Variants in FHIT observed in about 807,000 individuals in gnomAD.
FHIT encodes the protein bis(5'-adenosyl)-triphosphatase.
A neutral mutation model predicts 17.9 loss-of-function variants in FHIT; 19 were observed. The ratio of observed to expected loss-of-function variants is 1.06; its 90% CI spans 0.74 to 1.56. The LOEUF (loss-of-function observed/expected upper bound fraction) is 1.56. FHIT is among the 40% of genes most tolerant of loss of function. FHIT has a pLI of 0.00. For missense variants in FHIT, 248 were observed against 189.2 expected, an observed-to-expected ratio of 1.31 and a Z score of -1.82; for synonymous variants, 81 against 69.7, an observed-to-expected ratio of 1.16 and a Z score of -0.81.
intron 5 of FHIT, among the ~76,000 whole-genome samples, chr3:60,077,786 G>T (rs75382925): frequency 0.011 from 1,674 of 149,308 alleles, 13 homozygotes; most frequent in Non-Finnish European, 0.017. Context: ...CAAGTCTAGA[G>T]ATCTAATATA....
chr3:61,158,632 T>G, intron 2 of FHIT, among the ~76,000 whole-genome samples: 1 of 120,210 alleles, frequency 8.3e-6, no homozygotes, highest in South Asian at 3.0e-4. Flanking sequence ...CCTTTTCCAT[T>G]GCATTAATTA....
chr3:60,885,270 T>G (rs1705172526), intron 3 of FHIT, among the ~76,000 whole-genome samples: 1 of 152,180 alleles, frequency 6.6e-6, no homozygotes, highest in Non-Finnish European at 1.5e-5. Flanking sequence ...GATTTGATCA[T>G]TGCACGTTGT....
At chr3:60,954,333 G>A (rs947266938) in intron 3 of FHIT, among the ~76,000 whole-genome samples, 1 of 152,122 alleles carries the variant, frequency 6.6e-6, no homozygotes. Flanking sequence ...ATTCAATTGG[G>A]ATTTGAAGCT....
intron 5 of FHIT, among the ~76,000 whole-genome samples, chr3:60,082,919 T>G (rs1168620117): frequency 2.6e-5 from 4 of 152,134 alleles, no homozygotes; most frequent in Admixed American, 2.6e-4. Flanking sequence ...ATCCTGTAGG[T>G]TGTCTGTTTC....
At chr3:60,384,438 T>G (rs1700927016) in intron 5 of FHIT, among the ~76,000 whole-genome samples, 1 of 152,180 alleles carries the variant, frequency 6.6e-6, no homozygotes, top group African/African-American at 2.4e-5. Flanking sequence ...AGTTATACAC[T>G]TTAAAGGTTT....
chr3:60,556,724 G>A (rs539974596), intron 4 of FHIT, among the ~76,000 whole-genome samples: 1 of 152,332 alleles, frequency 6.6e-6, no homozygotes, highest in South Asian at 2.1e-4. Flanking sequence ...ACACCCTGAA[G>A]GTAATAGAGG....
intron 2 of FHIT, among the ~76,000 whole-genome samples, chr3:61,063,380 C>G (rs937237531): frequency 6.6e-6 from 1 of 151,958 alleles, no homozygotes. Context: ...GTAAGTGATA[C>G]TGCCGGGGCT....
chr3:60,049,075 C>T (rs1483411375), intron 5 of FHIT, among the ~76,000 whole-genome samples: 1 of 152,156 alleles, frequency 6.6e-6, no homozygotes, highest in African/African-American at 2.4e-5. Flanking sequence ...TGATCCCTTG[C>T]TACCTCACCC....
At chr3:60,060,490 G>T (rs143585756) in intron 5 of FHIT, among the ~76,000 whole-genome samples, 2 of 152,074 alleles carry the variant, frequency 1.3e-5, no homozygotes, top group Admixed American at 6.6e-5. Flanking sequence ...TTAATCCTTT[G>T]TATTAACTAC....
intron 2 of FHIT, among the ~76,000 whole-genome samples, chr3:61,165,229 G>C (rs758338080): frequency 4.6e-5 from 7 of 152,160 alleles, no homozygotes; most frequent in Non-Finnish European, 7.4e-5. Flanking sequence ...GCTTTCCACA[G>C]TGGCTGACCT....
Position 60,681,678 on chromosome 3 carries a change from T to C in FHIT, c.-18+140241A>G, listed in dbSNP as rs62251503. ...AAGTGAAACAGGCTTGTTGAGGATA[T>C]GGGAAAGTTTGAGTGGTCTGGATAG... On this transcript the variant is annotated intron_variant, in intron 4 of 9. Transcript: ENST00000492590. 5.4e-3 allele frequency among the ~76,000 whole-genome samples: 828 copies of C among 152,312 alleles called. 5 individuals carry two copies. Among genetic ancestry groups the C allele is most frequent in the Admixed American group, 8.9e-3 (136 of 15,296 alleles).
Position 60,890,221 on chromosome 3 carries a change from TAAAAAAAAAAAA to T in FHIT, c.-110-68222_-110-68211del, listed in dbSNP as rs59950717. On this transcript the variant is annotated intron_variant, in intron 3 of 9. Coordinates refer to ENST00000492590, the MANE Select transcript of FHIT (RefSeq NM_002012.4). ...TTCCAAAAAATTAGCTTCCATGATGTAAAAAAAAAAAAAAAAAAAAAAAAAAAGGCCAATCCA... is the reference window on the plus strand; with the variant it reads ...TTCCAAAAAATTAGCTTCCATGATGTAAAAAAAAAAAAAAAGGCCAATCCA... 3.8e-3 allele frequency among the ~76,000 whole-genome samples: 440 copies of T among 115,628 alleles called. 11 individuals carry two copies. The highest frequency in any genetic ancestry group is 0.016 in the African/African-American group (413 of 26,412). 75.9% of individuals were successfully genotyped at this position (115,628 alleles called of 152,430 possible). A position where few individuals can be genotyped will look rare whatever the true frequency, so the allele number is the denominator to read the frequency against.
chr3:61,000,465 C>A (rs1370665038), intron 3 of FHIT, among the ~76,000 whole-genome samples: 1 of 152,174 alleles, frequency 6.6e-6, no homozygotes, highest in Non-Finnish European at 1.5e-5. Context: ...CAGATAACAT[C>A]TCCAGGAAAA....
At chr3:59,954,775 G>T (rs373324994) in intron 7 of FHIT, among the ~76,000 whole-genome samples, 1 of 152,174 alleles carries the variant, frequency 6.6e-6, no homozygotes. Context: ...GTTTCAGAAT[G>T]CTAGGAGGGA....
At chr3:60,197,200 C>T (rs932905787) in intron 5 of FHIT, among the ~76,000 whole-genome samples, 1 of 152,120 alleles carries the variant, frequency 6.6e-6, no homozygotes, top group Admixed American at 6.6e-5. Context: ...CTATTCTGCC[C>T]ATAGTAGTCC....
intron 5 of FHIT, among the ~76,000 whole-genome samples, chr3:60,243,062 C>G (rs1444808594): frequency 7.1e-6 from 1 of 141,826 alleles, no homozygotes; most frequent in Non-Finnish European, 1.5e-5. Context: ...CAGTCCAAAA[C>G]TAAAAAAAAA....
chr3:60,967,550 A>G (rs754898233), intron 3 of FHIT, among the ~76,000 whole-genome samples: 6 of 152,216 alleles, frequency 3.9e-5, no homozygotes, highest in Non-Finnish European at 7.3e-5. Flanking sequence ...AAAAGTGTCA[A>G]TGGTTACTGC....
chr3:61,014,822 A>G (rs1460981660), intron 3 of FHIT, among the ~76,000 whole-genome samples: 1 of 138,712 alleles, frequency 7.2e-6, no homozygotes, highest in Admixed American at 7.4e-5. Context: ...ATATATATAT[A>G]TATGTATACA....
chr3:60,601,263 C>A (rs782671940), intron 4 of FHIT, among the ~76,000 whole-genome samples: 1 of 152,144 alleles, frequency 6.6e-6, no homozygotes, highest in Non-Finnish European at 1.5e-5. Flanking sequence ...CATTTCCTAC[C>A]GCAGTGGCTT....
Sources: gnomAD v4.1 joint callset for allele counts (sites outside exome capture counted in the v4.1 genomes callset) on GRCh38, gnomAD v4.1.1 for gene constraint, MANE v1.5 for transcripts, NCBI Gene and HGNC (gene_info 2026-07-23, HGNC 2026-07-21) for gene names.